The following AGBL3 variants were observed in gnomAD, a reference collection of about 807,000 sequenced individuals.
AGBL3 encodes the protein cytosolic carboxypeptidase 3.
In AGBL3, 68 loss-of-function variants were observed where a neutral mutation model predicts 94.5. The ratio of observed to expected loss-of-function variants is 0.72; its 90% CI spans 0.59 to 0.88. AGBL3 has a LOEUF of 0.88. Among genes scored for constraint, AGBL3 ranks in the 40% least tolerant of loss-of-function variants. The pLI is 0.00. For missense variants in AGBL3, 934 were observed against 1,103.8 expected, an observed-to-expected ratio of 0.85 and a Z score of 2.18; for synonymous variants, 354 against 370.7, an observed-to-expected ratio of 0.95 and a Z score of 0.52.
chr7:135,037,215 C>T (rs762020327), intron 7 of AGBL3, among the ~76,000 whole-genome samples: 6 of 152,080 alleles, frequency 3.9e-5, no homozygotes, highest in Admixed American at 6.6e-5. Context: ...CCACTGCGCT[C>T]GGCCTGCATT....
intron 16 of AGBL3, among the ~76,000 whole-genome samples, chr7:135,127,570 A>C (rs1828069641): frequency 6.6e-6 from 1 of 151,308 alleles, no homozygotes; most frequent in African/African-American, 2.4e-5. Context: ...AAAAAAACTC[A>C]ACATCACTGA....
chr7:135,123,016 C>T (rs1585245096), intron 16 of AGBL3, among the ~76,000 whole-genome samples: 1 of 151,904 alleles, frequency 6.6e-6, no homozygotes, highest in East Asian at 1.9e-4. Flanking sequence ...GTATCTCCAG[C>T]AATGGCACAG....
intron 15 of AGBL3, among the ~76,000 whole-genome samples, chr7:135,110,840 C>T (rs1825536112): frequency 6.6e-6 from 1 of 152,212 alleles, no homozygotes. Flanking sequence ...TATCCTTTGA[C>T]TAAGCCAATG....
At chr7:135,054,528 T>C (rs937505750) in intron 11 of AGBL3, among the ~76,000 whole-genome samples, 2 of 152,170 alleles carry the variant, frequency 1.3e-5, no homozygotes, top group African/African-American at 4.8e-5. Context: ...TTACAATTAA[T>C]ATAAAAAAGA....
intron 12 of AGBL3, 78 bp from the exon 13 acceptor site, chr7:135,076,319 C>T (rs776021302): frequency 1.8e-5 from 21 of 1,142,330 alleles, no homozygotes; most frequent in Non-Finnish European, 2.3e-5. Flanking sequence ...GTGGGAATCT[C>T]GAAACAATTT....
At position 135,032,892 on chromosome 7, in the gene AGBL3, C is replaced by T; in HGVS notation, c.467C>T (p.Thr156Ile). 1 of 1,551,220 alleles carries T rather than the reference C, an allele frequency of 6.4e-7. No homozygotes were observed. The highest frequency in any genetic ancestry group is 8.7e-7 in the Non-Finnish European group (1 of 1,146,732). The change falls in exon 6 of 17, where the codon ACA becomes ATA. Residue 156 changes from threonine (T) to isoleucine (I), a missense_variant. By Grantham distance (89) the Thr-to-Ile change is moderately conservative. Around this residue, in one of 3 missense-constraint regions of AGBL3, gnomAD observed 488 missense variants for 563.6 expected, o/e 0.87. Transcript: ENST00000436302. ...FVYSRVGGNRTPLKQPVDYRD... is the reference protein window; with the variant it reads ...FVYSRVGGNRIPLKQPVDYRD... ...TATTCCCGAGTTGGGGGTAACCGAACACCTTTGAAGCAGCCTGTGGATTAC... is the reference window on the plus strand; with the variant it reads ...TATTCCCGAGTTGGGGGTAACCGAATACCTTTGAAGCAGCCTGTGGATTAC...
intron 11 of AGBL3, among the ~76,000 whole-genome samples, chr7:135,049,929 C>T (rs1817722429): frequency 6.6e-6 from 1 of 150,622 alleles, no homozygotes; most frequent in Non-Finnish European, 1.5e-5. Context: ...TTTGTTTTTC[C>T]TTTCTTCTGC....
At chr7:135,128,228 G>T (rs1828176094) in intron 16 of AGBL3, among the ~76,000 whole-genome samples, 1 of 132,658 alleles carries the variant, frequency 7.5e-6, no homozygotes, top group Non-Finnish European at 1.6e-5. Context: ...GGAGGCAGAG[G>T]TTGCAGTGAG....
Position 134,990,352 on chromosome 7 carries a change from T to C in AGBL3, c.124+1042T>C, listed in dbSNP as rs183973879. Among the ~76,000 whole-genome samples, 246 of 152,368 alleles carry C rather than the reference T, an allele frequency of 1.6e-3. 1 individual carries two copies. The highest frequency in any genetic ancestry group is 5.5e-3 in the African/African-American group (230 of 41,584). ...TCTAGAATTTCACAAAACAGAATCA[T>C]ACATTTTGTGTTTTCTGTCTTCTTT... On this transcript the variant is annotated intron_variant, in intron 3 of 16. Transcript: ENST00000436302.
At chr7:135,077,222 G>A (rs1820538648) in intron 13 of AGBL3, among the ~76,000 whole-genome samples, 1 of 152,136 alleles carries the variant, frequency 6.6e-6, no homozygotes, top group Non-Finnish European at 1.5e-5. Context: ...CAAGAGATGG[G>A]GGCTCCCTTC....
chr7:135,118,665 A>G (rs1484753715), intron 16 of AGBL3, among the ~76,000 whole-genome samples: 2 of 152,250 alleles, frequency 1.3e-5, no homozygotes, highest in African/African-American at 4.8e-5. Context: ...AAACTGAAAA[A>G]AGACAATTAG....
At position 134,986,950 on chromosome 7, in the gene AGBL3, C is replaced by T. The variant is rs1809531730; in HGVS notation, c.-60+249C>T. Among the ~76,000 whole-genome samples the T allele has an allele frequency of 2.0e-5, 3 of 152,258 alleles. No individual in the cohort carries two copies. The South Asian group carries it at 6.2e-4, about 31-fold the overall frequency. ...CCCGCGGAGCGCCGGTGGATAAGGGCCGTTTCCTGAGACCAGAGCTGTATC... is the reference window on the plus strand; with the variant it reads ...CCCGCGGAGCGCCGGTGGATAAGGGTCGTTTCCTGAGACCAGAGCTGTATC... On this transcript the variant is annotated intron_variant, in intron 1 of 16. Coordinates refer to ENST00000436302, the MANE Select transcript of AGBL3 (RefSeq NM_178563.4).
At position 135,059,176 on chromosome 7, in the gene AGBL3, G is replaced by A. The variant is rs1236744823; in HGVS notation, c.1849G>A (p.Gly617Ser). Residue 617 changes from glycine (G) to serine (S), a missense_variant, in exon 12 of 17, where the codon GGC (glycine) becomes AGC (serine). Coordinates refer to ENST00000436302, the MANE Select transcript of AGBL3 (RefSeq NM_178563.4). Reference protein sequence around the residue: ...ITLDVESSSRGSDSSESIDSL... With the variant: ...ITLDVESSSRSSDSSESIDSL... ...AAATTATTTTTTTTGTAGTAGCCGA[G>A]GCTCTGACAGTTCAGAATCCATTGA... 1.3e-6 allele frequency: 2 copies of A among 1,550,568 alleles called. No individual in the cohort carries two copies. Among genetic ancestry groups the A allele is most frequent in the East Asian group, 2.4e-5 (1 of 40,888 alleles).
At chr7:135,110,686 G>T (rs2117132668) in intron 15 of AGBL3, among the ~76,000 whole-genome samples, 1 of 152,324 alleles carries the variant, frequency 6.6e-6, no homozygotes, top group South Asian at 2.1e-4. Context: ...TGAATCCAAT[G>T]TGTGTACCTG....
In AGBL3 at chr7:135,045,901, G is replaced by A. The variant is rs1454687424; in HGVS notation, c.1831G>A (p.Val611Ile). The A allele has an allele frequency of 4.5e-6, 7 of 1,544,454 alleles. No individual in the cohort carries two copies. The African/African-American group carries it at 5.5e-5, about 12-fold the overall frequency. The part of the protein sequence containing the change: ...DTPVIDITLD[V>I]ESSSRGSDSS... ...ACCTGTGATAGACATTACATTGGAT[G>A]TAGAGTCTAGGTAACTCAAGGCTGC... The change falls in exon 11 of 17, where the codon GTA becomes ATA. Residue 611 changes from valine to isoleucine, a missense_variant. By Grantham distance (29) the Val-to-Ile change is conservative (BLOSUM62 3). This residue lies in a region of AGBL3 where 441 missense variants were observed against 518.2 expected (regional missense o/e 0.85). Coordinates refer to ENST00000436302, the MANE Select transcript of AGBL3 (RefSeq NM_178563.4).
chr7:135,127,105 T>C (rs900695611), intron 16 of AGBL3, among the ~76,000 whole-genome samples: 3 of 152,148 alleles, frequency 2.0e-5, no homozygotes, highest in African/African-American at 7.2e-5. Flanking sequence ...GAGAAAATGT[T>C]TGCAATCTAC....
rs145626951 is a variant in AGBL3 at position 134,999,539 on chromosome 7, C to A, written c.310+5861C>A. Among the ~76,000 whole-genome samples, 397 of 152,292 alleles carry A rather than the reference C, an allele frequency of 2.6e-3. 1 individual carries two copies. Among genetic ancestry groups the A allele is most frequent in the African/African-American group, 9.2e-3 (381 of 41,564 alleles). The stretch of plus-strand genomic sequence containing the variant: ...ACATGCCCACCTCAAGTAAACACAC[C>A]AAGTTTTCCACTTACTGGGTCCAGT... On this transcript the variant is annotated intron_variant, in intron 4 of 16. Transcript: ENST00000436302.
chr7:135,003,617 T>C (rs1295566525), intron 4 of AGBL3, among the ~76,000 whole-genome samples: 1 of 151,766 alleles, frequency 6.6e-6, no homozygotes, highest in East Asian at 1.9e-4. Context: ...TGTTTCACCA[T>C]TTATCCTAGT....
At chr7:135,131,385 T>C (rs905311745) in intron 16 of AGBL3, among the ~76,000 whole-genome samples, 2 of 151,980 alleles carry the variant, frequency 1.3e-5, no homozygotes, top group Non-Finnish European at 2.9e-5. Context: ...AGCACACATA[T>C]ACCTATGTAA....
Sources: gnomAD v4.1 joint callset for allele counts (sites outside exome capture counted in the v4.1 genomes callset) on GRCh38, gnomAD v4.1.1 for gene constraint, gnomAD v4.1.1 regional missense constraint, MANE v1.5 for transcripts, NCBI Gene and HGNC (gene_info 2026-07-23, HGNC 2026-07-21) for gene names.